The following HDAC9 variants were observed in gnomAD, a reference collection of about 807,000 sequenced individuals.
The protein encoded by HDAC9 is MEF-2 interacting transcription repressor (MITR) protein.
In HDAC9, 41 loss-of-function variants were observed where a neutral mutation model predicts 139.4. The observed-to-expected ratio is 0.29, with a 90% CI of 0.23 to 0.38. The LOEUF (loss-of-function observed/expected upper bound fraction) is 0.38. Among genes scored for constraint, HDAC9 ranks in the 10% least tolerant of loss-of-function variants. The pLI is 1.00. For missense variants in HDAC9, 1,147 were observed against 1,297.0 expected, an observed-to-expected ratio of 0.88 and a Z score of 1.78; for synonymous variants, 517 against 476.2, an observed-to-expected ratio of 1.09 and a Z score of -1.12.
chr7:18,956,326 A>C (rs774176750), intron 24 of HDAC9, among the ~76,000 whole-genome samples: 13 of 152,096 alleles, frequency 8.5e-5, no homozygotes, highest in Non-Finnish European at 1.8e-4. Flanking sequence ...CGGTATATTT[A>C]TTTTCGATGT....
At chr7:18,594,106 G>C in intron 6 of HDAC9, 77 bp downstream of exon 6, 1 of 1,504,038 alleles carries the variant, frequency 6.6e-7, no homozygotes, top group Non-Finnish European at 9.2e-7. Context: ...ACCTCTAGAA[G>C]AAAGTCAAAG....
chr7:18,309,642 G>A (rs1799171919), intron 1 of HDAC9, among the ~76,000 whole-genome samples: 1 of 152,060 alleles, frequency 6.6e-6, no homozygotes, highest in Non-Finnish European at 1.5e-5. Context: ...TCCAAACAGG[G>A]AACATTTATT....
chr7:18,419,490 T>C (rs1182266782), intron 1 of HDAC9, among the ~76,000 whole-genome samples: 1 of 152,192 alleles, frequency 6.6e-6, no homozygotes. Context: ...AGTGAGAAGA[T>C]AAGTTTTAGT....
intron 25 of HDAC9, among the ~76,000 whole-genome samples, chr7:18,993,466 C>CCAA (rs1786169574): frequency 6.6e-6 from 1 of 152,126 alleles, no homozygotes; most frequent in South Asian, 2.1e-4. Flanking sequence ...AGGATATTTT[C>CCAA]CAACTTACTA....
chr7:18,375,333 G>A (rs1784907876), intron 1 of HDAC9, among the ~76,000 whole-genome samples: 1 of 152,090 alleles, frequency 6.6e-6, no homozygotes, highest in Admixed American at 6.5e-5. Context: ...AGCTGGGCAT[G>A]GTGGCACATG....
At chr7:18,438,856 TTAA>T (rs937104808) in intron 1 of HDAC9, among the ~76,000 whole-genome samples, 2 of 152,196 alleles carry the variant, frequency 1.3e-5, no homozygotes, top group Admixed American at 1.3e-4. Flanking sequence ...GACTAAACTT[TTAA>T]TAATATTTTT....
intron 1 of HDAC9, among the ~76,000 whole-genome samples, chr7:18,418,173 T>C (rs1789265106): frequency 6.6e-6 from 1 of 152,202 alleles, no homozygotes; most frequent in Admixed American, 6.5e-5. Context: ...TTCAGGGTTT[T>C]AGTTGTTTCA....
intron 1 of HDAC9, among the ~76,000 whole-genome samples, chr7:18,450,540 T>C (rs1361392677): frequency 2.6e-5 from 4 of 152,194 alleles, no homozygotes; most frequent in Non-Finnish European, 5.9e-5. Flanking sequence ...TTTAGTAATT[T>C]TGCTTGTCTG....
In HDAC9 at chr7:18,355,024, TGTCA is replaced by T. The variant is rs202186774; in HGVS notation, c.-42+64514_-42+64517del. Among the ~76,000 whole-genome samples the T allele has an allele frequency of 3.1e-3, 465 of 152,280 alleles. 4 individuals are homozygous for T. The highest frequency in any genetic ancestry group is 9.6e-3 in the African/African-American group (401 of 41,570). ...AATTACAGATCCTCAATCTGCTTAT[TGTCA>T]GTCATTTTTTCTACCACCAGTTACA... is the stretch of plus-strand genomic sequence containing the variant. On this transcript the variant is annotated intron_variant, in intron 1 of 3. Transcript: ENST00000413509.
At chr7:18,131,944 G>C (rs924974966) in intron 1 of HDAC9, among the ~76,000 whole-genome samples, 4 of 152,152 alleles carry the variant, frequency 2.6e-5, no homozygotes, top group African/African-American at 9.7e-5. Context: ...AGAGGCTGGC[G>C]TCAAGTATTT....
intron 14 of HDAC9, among the ~76,000 whole-genome samples, chr7:18,754,173 T>C (rs1057423913): frequency 2.0e-5 from 3 of 152,188 alleles, no homozygotes; most frequent in African/African-American, 4.8e-5. Context: ...TTTTTTCCCC[T>C]ACTGAATCAT....
At chr7:18,776,909 T>C (rs1377114348) in intron 16 of HDAC9, among the ~76,000 whole-genome samples, 2 of 151,930 alleles carry the variant, frequency 1.3e-5, no homozygotes, top group Non-Finnish European at 2.9e-5. Context: ...CTGTTAAAGA[T>C]CTGTGTGTCT....
intron 17 of HDAC9, among the ~76,000 whole-genome samples, chr7:18,801,324 G>A (rs932400436): frequency 6.6e-6 from 1 of 151,900 alleles, no homozygotes; most frequent in Non-Finnish European, 1.5e-5. Flanking sequence ...ATTTTACATT[G>A]TATGAAATGT....
intron 12 of HDAC9, among the ~76,000 whole-genome samples, chr7:18,682,940 C>G (rs1781991952): frequency 6.6e-6 from 1 of 151,868 alleles, no homozygotes; most frequent in African/African-American, 2.4e-5. Flanking sequence ...GATATCATAC[C>G]ATTACACTCC....
chr7:18,294,593 G>T (rs1798017940), intron 1 of HDAC9, among the ~76,000 whole-genome samples: 1 of 152,066 alleles, frequency 6.6e-6, no homozygotes, highest in Non-Finnish European at 1.5e-5. Context: ...GTAAAAAGTG[G>T]GGAAGTTGCT....
intron 1 of HDAC9, chr7:18,151,957 A>G (rs1298502624): frequency 6.6e-6 from 1 of 152,222 alleles, no homozygotes; most frequent in Admixed American, 6.5e-5. Context: ...CTTCTGGGAA[A>G]GGAGGACATT....
intron 13 of HDAC9, among the ~76,000 whole-genome samples, chr7:18,728,715 C>G (rs1040668976): frequency 3.9e-5 from 6 of 152,130 alleles, no homozygotes; most frequent in Non-Finnish European, 5.9e-5. Context: ...CTTCTGTGAC[C>G]TCATGCAAGC....
In HDAC9 at chr7:18,391,392, A is replaced by C. The variant is rs111918338; in HGVS notation, c.-42+100877A>C. Among the ~76,000 whole-genome samples, 807 of 150,488 alleles carry C rather than the reference A, an allele frequency of 5.4e-3. 3 individuals are homozygous for C. Among genetic ancestry groups the C allele is most frequent in the Non-Finnish European group, 9.6e-3 (649 of 67,652 alleles). ...GGAGCGAGACGCCATCCCCCCCCCA[A>C]AAAAAAAAGAAAGTAAAAAAGAAGA... On this transcript the variant is annotated intron_variant, in intron 1 of 3. Transcript: ENST00000413509.
At chr7:18,352,518 G>A (rs1302762441) in intron 1 of HDAC9, among the ~76,000 whole-genome samples, 1 of 152,144 alleles carries the variant, frequency 6.6e-6, no homozygotes, top group Non-Finnish European at 1.5e-5. Flanking sequence ...GGGCAGTGCA[G>A]TCTTATATTT....
Sources: allele counts gnomAD v4.1 joint callset (sites outside exome capture counted in the v4.1 genomes callset), GRCh38; gene constraint gnomAD v4.1.1; transcripts MANE v1.5; gene names NCBI Gene and HGNC (gene_info 2026-07-23, HGNC 2026-07-21).